The following RB1 variants were observed in gnomAD, a reference collection of about 807,000 sequenced individuals.
The protein encoded by RB1 is retinoblastoma-associated protein.
Under a neutral mutation model 135.4 loss-of-function variants are expected in RB1, and 18 were observed. That is an observed-to-expected ratio of 0.13 (90% CI 0.09 to 0.20). The LOEUF is 0.20. Among genes scored for constraint, RB1 ranks in the 10% least tolerant of loss-of-function variants. RB1 has a pLI of 1.00. For synonymous variants in RB1, 365 were observed against 373.2 expected, an observed-to-expected ratio of 0.98 and a Z score of 0.25; for missense variants, 868 against 1,110.0, an observed-to-expected ratio of 0.78 and a Z score of 3.10.
Position 48,480,322 on chromosome 13 carries a change from TTCC to T in RB1, c.*254_*256del. Reference sequence around the variant, plus strand: ...CATTTAAAAAGTTGTAGCAGATTGTTTCCTCTTCCAAAGTAAAATTGCTGTGCT... The same window carrying T: ...CATTTAAAAAGTTGTAGCAGATTGTTTCTTCCAAAGTAAAATTGCTGTGCT... On this transcript the variant is annotated 3_prime_UTR_variant, in exon 27 of 27. Transcript: ENST00000267163. 1 of 532,854 alleles carries T rather than the reference TTCC, an allele frequency of 1.9e-6. No homozygotes were observed. 33.0% of individuals were successfully genotyped at this position (532,854 alleles called of 1,614,324 possible).
chr13:48,416,287 C>G (rs1302291383), intron 17 of RB1: 1 of 152,320 alleles, frequency 6.6e-6, no homozygotes, highest in Admixed American at 6.5e-5. Flanking sequence ...GAAGGCGAGC[C>G]AAAGCAGGGT....
At chr13:48,355,220 G>GA (rs1167983953) in intron 6 of RB1, among the ~76,000 whole-genome samples, 3 of 151,922 alleles carry the variant, frequency 2.0e-5, no homozygotes, top group South Asian at 2.1e-4. Context: ...AACTCTATGG[G>GA]AAAAAATCTA....
chr13:48,462,147 A>G (rs908462767), intron 20 of RB1, among the ~76,000 whole-genome samples: 3 of 135,904 alleles, frequency 2.2e-5, no homozygotes, highest in African/African-American at 5.6e-5. Flanking sequence ...GTTTTGAGAC[A>G]TGGTCTTACT....
At chr13:48,335,276 C>A (rs1023350133) in intron 2 of RB1, among the ~76,000 whole-genome samples, 2 of 151,830 alleles carry the variant, frequency 1.3e-5, no homozygotes, top group Non-Finnish European at 2.9e-5. Flanking sequence ...ATATGTTTAA[C>A]CATTCTGTTT....
At position 48,363,021 on chromosome 13, in the gene RB1, C is replaced by T. The variant is rs1279202484; in HGVS notation, c.861+64C>T. The T allele has an allele frequency of 2.5e-6, 4 of 1,573,962 alleles. No individual in the cohort carries two copies. The Admixed American group carries it at 6.8e-5, about 27-fold the overall frequency. The stretch of plus-strand genomic sequence containing the variant: ...AGATTTAGATGTAAGTTCTCCCTAA[C>T]AATATTTACTTCTTTTGTTATGAGC... On this transcript the variant is annotated intron_variant, in intron 8 of 26. Coordinates refer to ENST00000267163, the MANE Select transcript of RB1 (RefSeq NM_000321.3).
chr13:48,354,611 G>A (rs1277056875), intron 6 of RB1, among the ~76,000 whole-genome samples: 1 of 152,006 alleles, frequency 6.6e-6, no homozygotes, highest in African/African-American at 2.4e-5. Context: ...AACTACAAAA[G>A]ACCCAGAATA....
chr13:48,436,958 T>C (rs1949190854), intron 17 of RB1, among the ~76,000 whole-genome samples: 3 of 152,234 alleles, frequency 2.0e-5, no homozygotes, highest in African/African-American at 7.2e-5. Context: ...ACTACTGACT[T>C]GTACTTACTT....
rs935960598 is a variant in RB1 at position 48,353,875 on chromosome 13, G to A, written c.607+4852G>A. ...TTAAATTGATGCTGAAAAAGCATTTGATAAAATTCAGCATCCTTCATGCCC... is the reference window on the plus strand; with the variant it reads ...TTAAATTGATGCTGAAAAAGCATTTAATAAAATTCAGCATCCTTCATGCCC... On this transcript the variant is annotated intron_variant, in intron 6 of 26. Transcript: ENST00000267163. Among the ~76,000 whole-genome samples the A allele has an allele frequency of 3.5e-4, 54 of 152,114 alleles. 1 individual carries two copies. Among genetic ancestry groups the A allele is most frequent in the Admixed American group, 3.5e-3 (54 of 15,248 alleles).
At chr13:48,384,512 T>C (rs1030584042) in intron 17 of RB1, among the ~76,000 whole-genome samples, 1 of 152,098 alleles carries the variant, frequency 6.6e-6, no homozygotes, top group African/African-American at 2.4e-5. Flanking sequence ...TTTGGTGAAT[T>C]TGTCACAAAT....
Position 48,480,348 on chromosome 13 carries a change from G to A in RB1, c.*277G>A. On this transcript the variant is annotated 3_prime_UTR_variant, in exon 27 of 27. Transcript: ENST00000267163. ...TCCTCTTCCAAAGTAAAATTGCTGT[G>A]CTTTATGGATAGTAAGAATGGCCCT... The A allele has an allele frequency of 2.0e-6, 1 of 495,412 alleles. No homozygotes were observed. The highest frequency in any genetic ancestry group is 3.7e-6 in the Non-Finnish European group (1 of 271,844). The allele number at this position is 495,412 out of a possible 1,614,324, so 30.7% of individuals were successfully genotyped here.
rs4151445 is a variant in RB1, at chr13:48,328,481, G to C, written c.265-14118G>C. The C allele has an allele frequency of 7.1e-3, 6,077 of 859,998 alleles. 31 individuals are homozygous for C. The highest frequency in any genetic ancestry group is 0.01 in the Middle Eastern group (31 of 2,982). 53.3% of individuals were successfully genotyped at this position (859,998 alleles called of 1,614,324 possible). ...TGATCGCTTCTCAGCGCTGCGGCTGGAACTTTCCTCTCCATTACTCCAGCA... is the reference window on the plus strand; with the variant it reads ...TGATCGCTTCTCAGCGCTGCGGCTGCAACTTTCCTCTCCATTACTCCAGCA... On this transcript the variant is annotated intron_variant, in intron 2 of 26. Transcript: ENST00000267163.
chr13:48,310,321 G>A (rs542188105), intron 2 of RB1, among the ~76,000 whole-genome samples: 43 of 152,206 alleles, frequency 2.8e-4, no homozygotes, highest in African/African-American at 1.0e-3. Flanking sequence ...GAGGAATATT[G>A]TCAAAAAGGA....
At chr13:48,346,527 A>C (rs562914254) in intron 4 of RB1, among the ~76,000 whole-genome samples, 9 of 48,112 alleles carry the variant, frequency 1.9e-4, no homozygotes, top group Admixed American at 1.6e-3. Flanking sequence ...TCCTAAATAC[A>C]ATGTTGCTTT....
chr13:48,455,818 A>G (rs1211369398), intron 18 of RB1, among the ~76,000 whole-genome samples: 1 of 152,202 alleles, frequency 6.6e-6, no homozygotes, highest in Non-Finnish European at 1.5e-5. Flanking sequence ...GATATGAACC[A>G]TAGTTATCGC....
intron 17 of RB1, among the ~76,000 whole-genome samples, chr13:48,416,966 G>C (rs181253521): frequency 1.9e-4 from 29 of 152,290 alleles, no homozygotes; most frequent in Admixed American, 3.9e-4. Context: ...GAGCACCTGG[G>C]GGAAGGGTGC....
chr13:48,424,281 T>G (rs1204005729), intron 17 of RB1, among the ~76,000 whole-genome samples: 1 of 152,204 alleles, frequency 6.6e-6, no homozygotes, highest in Non-Finnish European at 1.5e-5. Context: ...ATCGGTATCA[T>G]TTCGAAGTGA....
rs551543550 is a variant in RB1 at position 48,479,293 on chromosome 13, G to A, written c.2714-705G>A. On this transcript the variant is annotated intron_variant, in intron 26 of 26. Coordinates refer to ENST00000267163, the MANE Select transcript of RB1 (RefSeq NM_000321.3). ...TTGATGTATTTGCAGTACCTGCAAG[G>A]CATCTGCAAACATAAGGGAACCTAT... Among the ~76,000 whole-genome samples the A allele has an allele frequency of 6.0e-4, 92 of 152,282 alleles. 1 individual carries two copies. The highest frequency in any genetic ancestry group is 2.2e-3 in the African/African-American group (90 of 41,562).
chr13:48,347,203 A>G (rs1300910544), intron 4 of RB1, among the ~76,000 whole-genome samples: 3 of 152,132 alleles, frequency 2.0e-5, no homozygotes, highest in Non-Finnish European at 4.4e-5. Context: ...GATTTTGGTC[A>G]GAGAAAAAAC....
intron 17 of RB1, 27 bp downstream of exon 17, chr13:48,381,470 T>C: frequency 6.2e-7 from 1 of 1,605,022 alleles, no homozygotes; most frequent in Non-Finnish European, 8.5e-7. Context: ...TTGAAGAAAT[T>C]CATTCATGTG....
Sources: gnomAD v4.1 joint callset for allele counts (sites outside exome capture counted in the v4.1 genomes callset) on GRCh38, gnomAD v4.1.1 for gene constraint, MANE v1.5 for transcripts, NCBI Gene and HGNC (gene_info 2026-07-23, HGNC 2026-07-21) for gene names.